LRIG3: variants seen among roughly 807,000 people sequenced by gnomAD.
The protein encoded by LRIG3 is leucine-rich repeats and immunoglobulin-like domains protein 3.
In LRIG3, 76 loss-of-function variants were observed where a neutral mutation model predicts 114.5. The observed-to-expected ratio is 0.66, with a 90% CI of 0.55 to 0.80. The LOEUF (loss-of-function observed/expected upper bound fraction) is 0.80, where lower values mean the gene tolerates loss of function less well. LRIG3 is among the 30% of genes least tolerant of loss of function. LRIG3 has a pLI of 0.00. For synonymous variants in LRIG3, 512 were observed against 519.8 expected, an observed-to-expected ratio of 0.98 and a Z score of 0.20; for missense variants, 1,239 against 1,382.8, an observed-to-expected ratio of 0.90 and a Z score of 1.65.
chr12:58,919,907 G>C (rs1266721247), intron 1 of LRIG3, 93 bp downstream of exon 1: 16 of 1,251,300 alleles, frequency 1.3e-5, no homozygotes, highest in Non-Finnish European at 1.8e-5. Flanking sequence ...CGGCAAAAAG[G>C]GGACTGCACG....
chr12:58,893,286 G>A (rs1251941349), intron 3 of LRIG3, among the ~76,000 whole-genome samples: 1 of 152,142 alleles, frequency 6.6e-6, no homozygotes, highest in Non-Finnish European at 1.5e-5. Flanking sequence ...AAGGACTGTG[G>A]GTGGATTGTC....
At chr12:58,887,748 C>T in intron 8 of LRIG3, 41 bp downstream of exon 8, 1 of 1,597,892 alleles carries the variant, frequency 6.3e-7, no homozygotes, top group South Asian at 1.1e-5. Context: ...TATTTAGGAA[C>T]CAATTACGTT....
chr12:58,915,551 TA>T (rs879601132), intron 1 of LRIG3, among the ~76,000 whole-genome samples: 200 of 145,598 alleles, frequency 1.4e-3, no homozygotes, highest in Middle Eastern at 3.6e-3. Context: ...CTTTTTCACC[TA>T]AAAAAAAAAA....
chr12:58,885,996 G>A (rs1469858551), intron 9 of LRIG3, 94 bp from the exon 10 acceptor site: 2 of 618,732 alleles, frequency 3.2e-6, no homozygotes, highest in Admixed American at 2.5e-5. Context: ...TTATGTGTGA[G>A]CAATTCCATT....
intron 3 of LRIG3, among the ~76,000 whole-genome samples, chr12:58,893,296 C>G (rs1042221918): frequency 1.3e-5 from 2 of 152,194 alleles, no homozygotes; most frequent in Non-Finnish European, 2.9e-5. Context: ...GGTGGATTGT[C>G]TTTTTCCAAC....
At chr12:58,893,871 G>A (rs1871539060) in intron 3 of LRIG3, among the ~76,000 whole-genome samples, 1 of 152,124 alleles carries the variant, frequency 6.6e-6, no homozygotes, top group African/African-American at 2.4e-5. Flanking sequence ...TTGGTCCCCA[G>A]GCTGTCTGAG....
intron 3 of LRIG3, among the ~76,000 whole-genome samples, chr12:58,899,912 T>C (rs937507907): frequency 1.3e-5 from 2 of 152,156 alleles, no homozygotes; most frequent in African/African-American, 2.4e-5. Context: ...TGAGTAGAGC[T>C]TGGATGCTAC....
At chr12:58,878,723 C>G (rs1871013776) in intron 14 of LRIG3, 101 bp downstream of exon 14, 3 of 1,365,134 alleles carry the variant, frequency 2.2e-6, no homozygotes, top group Non-Finnish European at 3.0e-6. Context: ...CCCCATACAT[C>G]TTCATCTCTT....
chr12:58,919,885 G>A (rs1450930567), intron 1 of LRIG3, 115 bp downstream of exon 1: 2 of 1,077,952 alleles, frequency 1.9e-6, no homozygotes, highest in Admixed American at 2.2e-5. Context: ...GCCTGGGCCA[G>A]AAGGAGCTAT....
rs1176010295 is a variant in LRIG3 at position 58,872,408 on chromosome 12, A to G, written c.*164T>C. ...CTTATATGAGCATCATTCCCAGTATAAAAATTTTCATAACTTTTTGTAATT... is the reference window on the plus strand; with the variant it reads ...CTTATATGAGCATCATTCCCAGTATGAAAATTTTCATAACTTTTTGTAATT... On this transcript the variant is annotated 3_prime_UTR_variant, in exon 19 of 19. Coordinates refer to ENST00000320743, the MANE Select transcript of LRIG3 (RefSeq NM_153377.5). 2 of 668,906 alleles carry G rather than the reference A, an allele frequency of 3.0e-6. No homozygotes were observed. The highest frequency in any genetic ancestry group is 4.4e-6 in the Non-Finnish European group (2 of 458,784). The allele number at this position is 668,906 out of a possible 1,614,324, so 41.4% of individuals were successfully genotyped here. A position where few individuals can be genotyped will look rare whatever the true frequency, so the allele number is the denominator to read the frequency against.
Position 58,880,895 on chromosome 12 carries a change from A to G in LRIG3, c.1487T>C (p.Phe496Ser), listed in dbSNP as rs780953080. The G allele has an allele frequency of 5.6e-6, 9 of 1,610,250 alleles. No homozygotes were observed. Among genetic ancestry groups the G allele is most frequent in the Non-Finnish European group, 7.6e-6 (9 of 1,176,858 alleles). ...CTGAACCGTGATCTGGGGTTTGGGA[A>G]AATCATCTGTTAAAAATGGAGAGGA... ...VSPDGFVCDD[F>S]PKPQITVQPE... The change falls in exon 13 of 19, where the codon TTT becomes TCT. Residue 496 changes from phenylalanine to serine, a missense_variant. Coordinates refer to ENST00000320743, the MANE Select transcript of LRIG3 (RefSeq NM_153377.5).
intron 3 of LRIG3, among the ~76,000 whole-genome samples, chr12:58,895,525 C>T (rs530301553): frequency 1.2e-4 from 19 of 152,074 alleles, no homozygotes; most frequent in Non-Finnish European, 2.5e-4. Flanking sequence ...ACAGAGTGCA[C>T]GGGTGGAGAG....
chr12:58,904,785 GGCACTATGC>G (rs1871997968), intron 3 of LRIG3, among the ~76,000 whole-genome samples: 1 of 152,116 alleles, frequency 6.6e-6, no homozygotes, highest in Non-Finnish European at 1.5e-5. Flanking sequence ...CCATGGGCCA[GGCACTATGC>G]TACATGCCAG....
At chr12:58,878,278 G>C (rs1031010548) in intron 14 of LRIG3, among the ~76,000 whole-genome samples, 2 of 152,108 alleles carry the variant, frequency 1.3e-5, no homozygotes, top group South Asian at 4.2e-4. Context: ...TTAAAACTCT[G>C]ACAATAATTT....
intron 14 of LRIG3, among the ~76,000 whole-genome samples, chr12:58,878,123 G>C (rs574540458): frequency 9.9e-5 from 15 of 152,032 alleles, no homozygotes; most frequent in African/African-American, 2.2e-4. Context: ...CTGGTAGTAG[G>C]GGGGGAGAGT....
chr12:58,888,710 T>G, intron 6 of LRIG3, 109 bp downstream of exon 6: 1 of 1,433,436 alleles, frequency 7.0e-7, no homozygotes, highest in Non-Finnish European at 9.4e-7. Flanking sequence ...TAAATAAGAT[T>G]GTGGATGATG....
At chr12:58,880,929 A>C in intron 12 of LRIG3, 28 bp from the exon 13 acceptor site, 1 of 1,594,308 alleles carries the variant, frequency 6.3e-7, no homozygotes, top group Non-Finnish European at 8.6e-7. Context: ...GAGGAGACAA[A>C]ACAATGTTAA....
In LRIG3 at chr12:58,891,307, C is replaced by G. The variant is rs572955920; in HGVS notation, c.384-511G>C. 5.9e-4 allele frequency among the ~76,000 whole-genome samples: 89 copies of G among 152,008 alleles called. No individual in the cohort carries two copies. In the Middle Eastern group the frequency reaches 0.01, roughly 17 times the overall value. ...TTTTTTATACAGTCGGGGGGTCTCA[C>G]TATGTTCTCTAGGCTGGTCTCAACT... On this transcript the variant is annotated intron_variant, in intron 3 of 18. Coordinates refer to ENST00000320743, the MANE Select transcript of LRIG3 (RefSeq NM_153377.5).
rs777712307 is a variant in LRIG3 at position 58,880,908 on chromosome 12, A to C, written c.1481-7T>G. 4 of 1,608,214 alleles carry C rather than the reference A, an allele frequency of 2.5e-6. No individual in the cohort carries two copies. Among genetic ancestry groups the C allele is most frequent in the African/African-American group, 2.7e-5 (2 of 74,792 alleles). On this transcript the variant is annotated splice_region_variant and splice_polypyrimidine_tract_variant and intron_variant, in intron 12 of 18. Coordinates refer to ENST00000320743, the MANE Select transcript of LRIG3 (RefSeq NM_153377.5). ...TGGGGTTTGGGAAAATCATCTGTTAAAAATGGAGAGGAGGAGACAAAACAA... is the reference window on the plus strand; with the variant it reads ...TGGGGTTTGGGAAAATCATCTGTTACAAATGGAGAGGAGGAGACAAAACAA...
Sources: allele counts gnomAD v4.1 joint callset (sites outside exome capture counted in the v4.1 genomes callset), GRCh38; gene constraint gnomAD v4.1.1; transcripts MANE v1.5; gene names NCBI Gene and HGNC (gene_info 2026-07-23, HGNC 2026-07-21).